The following WIZ variants were observed in gnomAD, a reference collection of about 807,000 sequenced individuals.
WIZ encodes the protein protein Wiz.
A neutral mutation model predicts 140.2 loss-of-function variants in WIZ; 25 were observed. That is an observed-to-expected ratio of 0.18 (90% CI 0.13 to 0.25). The LOEUF (loss-of-function observed/expected upper bound fraction) is 0.25. WIZ is among the 10% of genes least tolerant of loss of function. The probability of loss-of-function intolerance (pLI) is 1.00; values close to 1 mark genes in which losing one functional copy is unlikely to be tolerated. For synonymous variants in WIZ, 1,125 were observed against 1,154.3 expected (o/e 0.97, Z 0.51); for missense variants, 2,231 against 2,632.6 (o/e 0.85, Z 3.34).
rs568976329 is a variant in WIZ, at chr19:15,423,693, G to A, written c.5511-458C>T. Among the ~76,000 whole-genome samples the A allele has an allele frequency of 2.6e-3, 401 of 152,300 alleles. 1 individual carries two copies. Among genetic ancestry groups the A allele is most frequent in the Admixed American group, 5.5e-3 (84 of 15,314 alleles). ...TTGACTCTGACTTCTGACTTGGCCT[G>A]TATGGCCTCAGGCAAGTCACCTCAC... On this transcript the variant is annotated intron_variant, in intron 12 of 12. Transcript: ENST00000673675.
At chr19:15,431,273 G>A (rs1874802026) in intron 5 of WIZ, 91 bp from the exon 6 acceptor site, 1 of 1,386,592 alleles carries the variant, frequency 7.2e-7, no homozygotes, top group South Asian at 1.5e-5. Flanking sequence ...TATCCTTGAT[G>A]TCCGCTCTCA....
rs199764331 is a variant in WIZ at position 15,423,110 on chromosome 19, G to A, written c.5636C>T (p.Pro1879Leu). The A allele has an allele frequency of 7.9e-5, 128 of 1,612,310 alleles. 1 individual carries two copies. The East Asian group carries it at 2.2e-3, about 28-fold the overall frequency. Reference sequence around the variant, plus strand: ...CTCTGCCGCCGCTGTCTGTGCCTGCGGGGCCTGGGACTCCTCAGGTGGGGG... The same window carrying A: ...CTCTGCCGCCGCTGTCTGTGCCTGCAGGGCCTGGGACTCCTCAGGTGGGGG... The part of the protein sequence containing the change: ...ADPPPEESQA[P>L]QAQTAAAEAP The change falls in exon 13 of 13, where the codon CCG becomes CTG. Residue 1879 changes from proline to leucine, a missense_variant. By Grantham distance (98) the Pro-to-Leu change is moderately conservative. This residue lies in a region of WIZ where 299 missense variants were observed against 309.6 expected (regional missense o/e 0.97). Transcript: ENST00000673675.
In WIZ at chr19:15,425,685, C is replaced by G; in HGVS notation, c.4450G>C (p.Ala1484Pro). ...FENRKGLSSH[A>P]RSHLRQMGVT... Reference sequence around the variant, plus strand: ...CCCATCTGCCGCAGGTGTGAGCGCGCGTGACTCGACAGGCCCTTGCGGTTC... The same window carrying G: ...CCCATCTGCCGCAGGTGTGAGCGCGGGTGACTCGACAGGCCCTTGCGGTTC... Residue 1484 changes from alanine (A) to proline (P), a missense_variant, in exon 10 of 13, where the codon GCG (alanine) becomes CCG (proline). Ala to Pro is a conservative substitution (Grantham distance 27, BLOSUM62 -1). This residue lies in a region of WIZ where 393 missense variants were observed against 451.7 expected (regional missense o/e 0.87). Transcript: ENST00000673675. The G allele has an allele frequency of 6.2e-7, 1 of 1,613,266 alleles. No homozygotes were observed. The highest frequency in any genetic ancestry group is 8.5e-7 in the Non-Finnish European group (1 of 1,179,918).
chr19:15,439,493 C>T lies in WIZ; in HGVS notation c.1501G>A (p.Glu501Lys). ...GTGCCTGGCTGGCTGGCAGGGTCTT[C>T]CTCATAAGCCTCGCCATCCTCCTCC... ...HWEEDGEAYE[E>K]DPASQPGTSQ... The change falls in exon 4 of 13, where the codon GAA (glutamate) becomes AAA (lysine). Residue 501 changes from glutamate to lysine, a missense_variant. Physicochemically the swap from Glu to Lys is moderately conservative, Grantham distance 56. Around this residue, in one of 15 missense-constraint regions of WIZ, gnomAD observed 475 missense variants for 520.2 expected, o/e 0.91. Transcript: ENST00000673675. The surrounding 1 kb of genome is among the most constrained non-coding windows in gnomAD (Gnocchi z 7.0). 1 of 1,534,980 alleles carries T rather than the reference C, an allele frequency of 6.5e-7. No individual in the cohort carries two copies. Among genetic ancestry groups the T allele is most frequent in the South Asian group, 1.2e-5 (1 of 83,904 alleles).
chr19:15,442,703 G>T lies in WIZ; in HGVS notation c.251C>A (p.Thr84Asn), dbSNP rs1969787507. Reference sequence around the variant, plus strand: ...GCTGCTGATCCGATGGGTGGCGGAGGTGACACGGGGGAGGGCTTCGCTGAG... The same window carrying T: ...GCTGCTGATCCGATGGGTGGCGGAGTTGACACGGGGGAGGGCTTCGCTGAG... Reference protein sequence around the residue: ...PGLSEALPRVTSATHRISSCC... With the variant: ...PGLSEALPRVNSATHRISSCC... Residue 84 changes from threonine (T) to asparagine (N), a missense_variant, in exon 3 of 13, where the codon ACC (threonine) becomes AAC (asparagine). This residue lies in a region of WIZ where 16 missense variants were observed against 39.7 expected (regional missense o/e 0.40). Coordinates refer to ENST00000673675, the MANE Select transcript of WIZ (RefSeq NM_001371589.1). This position sits in a 1 kb window ranked among gnomAD's most constrained non-coding sequence, Gnocchi z 5.5. The T allele has an allele frequency of 4.9e-6, 6 of 1,232,530 alleles. No homozygotes were observed. The highest frequency in any genetic ancestry group is 6.1e-6 in the Non-Finnish European group (6 of 988,276). 76.3% of individuals were successfully genotyped at this position (1,232,530 alleles called of 1,614,324 possible).
chr19:15,440,275 A>G lies in WIZ; in HGVS notation c.719T>C (p.Leu240Pro), dbSNP rs1360434755. ...DMAVVGGRED[L>P]EDLEGLAQPS... ...CTGGGCCAGCCCCTCCAGGTCCTCC[A>G]GATCTTCTCTGCCACCCACCACCGC... The change falls in exon 4 of 13, where the codon CTG becomes CCG. Residue 240 changes from leucine to proline, a missense_variant. This residue lies in a region of WIZ where 307 missense variants were observed against 294.1 expected (regional missense o/e 1.04). Coordinates refer to ENST00000673675, the MANE Select transcript of WIZ (RefSeq NM_001371589.1). This position sits in a 1 kb window ranked among gnomAD's most constrained non-coding sequence, Gnocchi z 6.2. The G allele has an allele frequency of 6.7e-7, 1 of 1,490,732 alleles. No homozygotes were observed. Among genetic ancestry groups the G allele is most frequent in the Non-Finnish European group, 8.9e-7 (1 of 1,124,178 alleles). 92.3% of individuals were successfully genotyped at this position (1,490,732 alleles called of 1,614,324 possible). A position where few individuals can be genotyped will look rare whatever the true frequency, so the allele number is the denominator to read the frequency against.
In WIZ at chr19:15,426,838, G is replaced by A; in HGVS notation, c.4366+144C>T. 3 of 930,452 alleles carry A rather than the reference G, an allele frequency of 3.2e-6. No homozygotes were observed. In the South Asian group the frequency reaches 5.0e-5, roughly 16 times the overall value. The allele number at this position is 930,452 out of a possible 1,614,324, so 57.6% of individuals were successfully genotyped here. A position where few individuals can be genotyped will look rare whatever the true frequency, so the allele number is the denominator to read the frequency against. ...CTCAGTTGCAGGGGTCTGCATAGCA[G>A]GAATACACAGCTAACCCTGTGTCCT... On this transcript the variant is annotated intron_variant, in intron 9 of 12. Transcript: ENST00000673675.
chr19:15,425,046 G>T lies in WIZ; in HGVS notation c.4895-14C>A, dbSNP rs1226601982. ...AGGCCTCGGTGGCTGCGGGGCGGAG[G>T]GGGTGCTGCTGAGTCACAGCCCAAA... On this transcript the variant is annotated splice_polypyrimidine_tract_variant and intron_variant, in intron 10 of 12. Coordinates refer to ENST00000673675, the MANE Select transcript of WIZ (RefSeq NM_001371589.1). 9 of 1,556,480 alleles carry T rather than the reference G, an allele frequency of 5.8e-6. No individual in the cohort carries two copies. Among genetic ancestry groups the T allele is most frequent in the Admixed American group, 1.8e-5 (1 of 54,188 alleles).
At chr19:15,423,957 C>T in intron 12 of WIZ, 1 of 458,250 alleles carries the variant, frequency 2.2e-6, no homozygotes, top group Non-Finnish European at 3.8e-6. Flanking sequence ...CAGGTAAGTC[C>T]TTCCCTGAGG....
In WIZ at chr19:15,423,194, T is replaced by C. The variant is rs1449953622; in HGVS notation, c.5552A>G (p.Glu1851Gly). 12 of 1,613,618 alleles carry C rather than the reference T, an allele frequency of 7.4e-6. No individual in the cohort carries two copies. Among genetic ancestry groups the C allele is most frequent in the Non-Finnish European group, 1.0e-5 (12 of 1,179,936 alleles). The change falls in exon 13 of 13, where the codon GAA becomes GGA. Residue 1851 changes from glutamate (E) to glycine (G), a missense_variant. By Grantham distance (98) the Glu-to-Gly change is moderately conservative. Around this residue, in one of 15 missense-constraint regions of WIZ, gnomAD observed 299 missense variants for 309.6 expected, o/e 0.97. Coordinates refer to ENST00000673675, the MANE Select transcript of WIZ (RefSeq NM_001371589.1). ...CCGCTGTAAGTGCCGCACCCACTCT[T>C]CCTGGATGGAGAGGGGGCCCTGGAA... Reference protein sequence around the residue: ...VEFQGPLSIQEEWVRHLQRHI... With the variant: ...VEFQGPLSIQGEWVRHLQRHI...
Position 15,442,079 on chromosome 19 carries a change from G to A in WIZ, c.278+597C>T, listed in dbSNP as rs560981005. 2.0e-5 allele frequency among the ~76,000 whole-genome samples: 3 copies of A among 152,064 alleles called. No individual in the cohort carries two copies. Among genetic ancestry groups the A allele is most frequent in the Non-Finnish European group, 4.4e-5 (3 of 67,984 alleles). On this transcript the variant is annotated intron_variant, in intron 3 of 12. Coordinates refer to ENST00000673675, the MANE Select transcript of WIZ (RefSeq NM_001371589.1). This position sits in a 1 kb window ranked among gnomAD's most constrained non-coding sequence, Gnocchi z 5.5. ...GCAGGTGCCTATAATCCCAGCTACTGGGGAAGCTGAGGCAGGAGAATCGCT... is the reference window on the plus strand; with the variant it reads ...GCAGGTGCCTATAATCCCAGCTACTAGGGAAGCTGAGGCAGGAGAATCGCT...
chr19:15,440,841 G>GT lies in WIZ; in HGVS notation c.279-127dup. On this transcript the variant is annotated intron_variant, in intron 3 of 12. Transcript: ENST00000673675. This position sits in a 1 kb window ranked among gnomAD's most constrained non-coding sequence, Gnocchi z 6.2. ...GAGATCCAGCCCGAGGGTGACAGGG[G>GT]TGTGGGGGTGAGGGTGGGAGGTAGG... 1 of 922,532 alleles carries GT rather than the reference G, an allele frequency of 1.1e-6. No individual in the cohort carries two copies. The highest frequency in any genetic ancestry group is 1.8e-5 in the South Asian group (1 of 55,494). The allele number at this position is 922,532 out of a possible 1,614,324, so 57.1% of individuals were successfully genotyped here.
rs1282491750 is a variant in WIZ at position 15,442,187 on chromosome 19, A to G, written c.278+489T>C. On this transcript the variant is annotated intron_variant, in intron 3 of 12. Transcript: ENST00000673675. The surrounding 1 kb of genome is among the most constrained non-coding windows in gnomAD (Gnocchi z 5.5). ...GGGCGATAGAGTGAGACTTTCTCAAAAAAAAAAAAAAAAGATGACTATGAC... is the reference window on the plus strand; with the variant it reads ...GGGCGATAGAGTGAGACTTTCTCAAGAAAAAAAAAAAAAGATGACTATGAC... Among the ~76,000 whole-genome samples the G allele has an allele frequency of 6.7e-6, 1 of 149,380 alleles. No homozygotes were observed. Among genetic ancestry groups the G allele is most frequent in the African/African-American group, 2.4e-5 (1 of 40,888 alleles).
At position 15,427,622 on chromosome 19, in the gene WIZ, G is replaced by T; in HGVS notation, c.3815-89C>A. The stretch of plus-strand genomic sequence containing the variant: ...GTGTCCTGGTCGGCTGGGCGTGGGC[G>T]GCAGCAGCACGCCCACAGGTTAGGG... On this transcript the variant is annotated intron_variant, in intron 8 of 12. Coordinates refer to ENST00000673675, the MANE Select transcript of WIZ (RefSeq NM_001371589.1). This position sits in a 1 kb window ranked among gnomAD's most constrained non-coding sequence, Gnocchi z 6.4. 1 of 1,406,458 alleles carries T rather than the reference G, an allele frequency of 7.1e-7. No homozygotes were observed. Among genetic ancestry groups the T allele is most frequent in the South Asian group, 1.4e-5 (1 of 72,412 alleles). The allele number at this position is 1,406,458 out of a possible 1,614,324, so 87.1% of individuals were successfully genotyped here. A position where few individuals can be genotyped will look rare whatever the true frequency, so the allele number is the denominator to read the frequency against.
At position 15,423,284 on chromosome 19, in the gene WIZ, C is replaced by T. The variant is rs372349625; in HGVS notation, c.5511-49G>A. The T allele has an allele frequency of 2.8e-5, 44 of 1,595,294 alleles. No individual in the cohort carries two copies. In the East Asian group the frequency reaches 5.4e-4, roughly 20 times the overall value. On this transcript the variant is annotated intron_variant, in intron 12 of 12. Coordinates refer to ENST00000673675, the MANE Select transcript of WIZ (RefSeq NM_001371589.1). ...GAGTGGCCAGTGCTGTGAGGAGAGG[C>T]GGAAGCATAGCCTTGCCAGCATCCC...
intron 2 of WIZ, among the ~76,000 whole-genome samples, chr19:15,443,581 C>T (rs1042548792): frequency 2.0e-5 from 3 of 152,176 alleles, no homozygotes; most frequent in African/African-American, 4.8e-5. Flanking sequence ...CATCTCTGAC[C>T]GCCTAACTCA....
chr19:15,432,591 G>A (rs955123804), intron 5 of WIZ: 4 of 369,860 alleles, frequency 1.1e-5, no homozygotes, highest in African/African-American at 2.2e-5. Context: ...GGCTCGGGGG[G>A]CTGGGCGGGG....
intron 9 of WIZ, 55 bp from the exon 10 acceptor site, chr19:15,425,823 GGAGGGAGGAGGAGGGA>G: frequency 2.1e-5 from 2 of 93,074 alleles, no homozygotes; most frequent in Non-Finnish European, 1.6e-5. Context: ...GGAGGGAGGA[GGAGGGAGGAGGAGGGA>G]GGAGGAGGAG....
chr19:15,427,164 G>A lies in WIZ; in HGVS notation c.4184C>T (p.Pro1395Leu). The A allele has an allele frequency of 6.2e-7, 1 of 1,614,230 alleles. No individual in the cohort carries two copies. The highest frequency in any genetic ancestry group is 1.1e-5 in the South Asian group (1 of 91,090). The stretch of plus-strand genomic sequence containing the variant: ...TGGGAACATCTTTCGGGCCGTAGGA[G>A]GAGGAGAGGCAGTTGGTGAGTGGCC... ...PLGHSPTASP[P>L]PTARKMFPGL... The change falls in exon 9 of 13, where the codon CCT becomes CTT. Residue 1395 changes from proline (P) to leucine (L), a missense_variant. Physicochemically the swap from Pro to Leu is moderately conservative, Grantham distance 98. Coordinates refer to ENST00000673675, the MANE Select transcript of WIZ (RefSeq NM_001371589.1). This position sits in a 1 kb window ranked among gnomAD's most constrained non-coding sequence, Gnocchi z 6.4.
Sources: gnomAD v4.1 joint callset for allele counts (sites outside exome capture counted in the v4.1 genomes callset) on GRCh38, gnomAD v4.1.1 for gene constraint, gnomAD v4.1.1 regional missense constraint, Gnocchi (gnomAD v3.1) non-coding constraint, MANE v1.5 for transcripts, NCBI Gene and HGNC (gene_info 2026-07-23, HGNC 2026-07-21) for gene names.